Variants in GPC3 observed in about 807,000 individuals in gnomAD.
The protein encoded by GPC3 is glypican 3.
In GPC3, 3 loss-of-function variants were observed where a neutral mutation model predicts 34.4. The observed-to-expected ratio is 0.09, with a 90% CI of 0.04 to 0.23. The LOEUF (loss-of-function observed/expected upper bound fraction) is 0.23, where lower values mean the gene tolerates loss of function less well. GPC3 is among the 10% of genes least tolerant of loss of function. The pLI is 1.00. For missense variants in GPC3, 351 were observed against 445.6 expected (o/e 0.79, Z 1.91); for synonymous variants, 177 against 174.0 (o/e 1.02, Z -0.13).
intron 2 of GPC3, among the ~76,000 whole-genome samples, chrX:133,851,104 AAAACAAAC>A: frequency 9.0e-6 from 1 of 111,492 alleles, no homozygotes; most frequent in Non-Finnish European, 1.9e-5. Flanking sequence ...CTCCGTCTCC[AAAACAAAC>A]AAACAAATAA....
chrX:133,693,064 C>T (rs894249068), intron 4 of GPC3, among the ~76,000 whole-genome samples: 1 of 110,872 alleles, frequency 9.0e-6, no homozygotes, highest in African/African-American at 3.3e-5. Context: ...TATATTGTGG[C>T]TCCTGTGAGG....
rs72615417 is a variant in GPC3 at position 133,683,055 on chromosome X, C to T, written c.1292+9314G>A. ...TAATCACCTAGTGTATGTTTCCTAA[C>T]GTTTCAGGGTCTTCTCACTGAAGAC... On this transcript the variant is annotated intron_variant, in intron 5 of 7. Transcript: ENST00000370818. Among the ~76,000 whole-genome samples the T allele has an allele frequency of 1.4e-3, 156 of 110,340 alleles. 3 individuals are homozygous for T. In the East Asian group the frequency reaches 0.041, roughly 29 times the overall value.
intron 2 of GPC3, among the ~76,000 whole-genome samples, chrX:133,887,704 T>C (rs1263926434): frequency 2.7e-5 from 3 of 112,052 alleles, no homozygotes; most frequent in Non-Finnish European, 5.6e-5. Flanking sequence ...CCAGCAAATA[T>C]ATAGGTTAAC....
chrX:133,645,166 A>T (rs2070528477), intron 6 of GPC3, among the ~76,000 whole-genome samples: 1 of 111,626 alleles, frequency 9.0e-6, no homozygotes, highest in South Asian at 3.8e-4. Flanking sequence ...TGTCCCCCAC[A>T]CAGACAGGGC....
intron 5 of GPC3, among the ~76,000 whole-genome samples, chrX:133,690,025 A>T (rs2071047353): frequency 8.9e-6 from 1 of 111,943 alleles, no homozygotes; most frequent in Admixed American, 9.5e-5. Context: ...AATGTTCATG[A>T]TTCTTCTTAG....
At chrX:133,658,222 G>A (rs1387426549) in intron 6 of GPC3, among the ~76,000 whole-genome samples, 3 of 112,114 alleles carry the variant, frequency 2.7e-5, no homozygotes, top group African/African-American at 9.7e-5. Flanking sequence ...TTGGCAGTAT[G>A]TCTATACAGC....
chrX:133,741,693 C>T (rs1053619845), intron 3 of GPC3, among the ~76,000 whole-genome samples: 1 of 112,719 alleles, frequency 8.9e-6, no homozygotes, highest in Non-Finnish European at 1.9e-5. Context: ...TGATAATCCC[C>T]GTCTCATTAG....
chrX:133,958,378 A>G (rs2076425541), intron 1 of GPC3, among the ~76,000 whole-genome samples: 1 of 108,741 alleles, frequency 9.2e-6, no homozygotes, highest in Admixed American at 9.8e-5. Context: ...CCGTCTCTAT[A>G]AAAAAATTTT....
At position 133,596,576 on chromosome X, in the gene GPC3, G is replaced by C. The variant is rs1337307928; in HGVS notation, c.1437C>G (p.Pro479=). 5 of 1,210,365 alleles carry C rather than the reference G, an allele frequency of 4.1e-6. No homozygotes were observed. The highest frequency in any genetic ancestry group is 5.6e-6 in the Non-Finnish European group (5 of 894,680). ...INQLLRTMSM[P]KGRVLDKNLD... is the part of the protein sequence containing the mutation. Reference sequence around the variant, plus strand: ...GGTTTTTATCCAGAACTCTACCTTTGGGCATAGACATGGTTCTCAGGAGCT... The same window carrying C: ...GGTTTTTATCCAGAACTCTACCTTTCGGCATAGACATGGTTCTCAGGAGCT... The change falls in exon 7 of 8, where the codon CCC becomes CCG. Residue 479 remains proline (P), a synonymous_variant. Transcript: ENST00000370818.
At chrX:133,555,437 G>C (rs1185926820) in intron 7 of GPC3, among the ~76,000 whole-genome samples, 1 of 112,305 alleles carries the variant, frequency 8.9e-6, no homozygotes, top group Non-Finnish European at 1.9e-5. Context: ...TATCGCTGAG[G>C]ATTCTCAAAT....
At position 133,931,755 on chromosome X, in the gene GPC3, C is replaced by T. The variant is rs1400327249; in HGVS notation, c.337+21295G>A. ...CTAAGGACTAAGCCCTAAATGACAGCTAGCCCACAAGGCTCAGCATCAGGA... is the reference window on the plus strand; with the variant it reads ...CTAAGGACTAAGCCCTAAATGACAGTTAGCCCACAAGGCTCAGCATCAGGA... On this transcript the variant is annotated intron_variant, in intron 2 of 7. Transcript: ENST00000370818. 6.2e-5 allele frequency among the ~76,000 whole-genome samples: 7 copies of T among 112,170 alleles called. No individual in the cohort carries two copies. In the East Asian group the frequency reaches 2.0e-3, roughly 31 times the overall value.
chrX:133,713,141 G>A (rs1258932719), intron 3 of GPC3, among the ~76,000 whole-genome samples: 3 of 111,939 alleles, frequency 2.7e-5, no homozygotes, highest in Non-Finnish European at 5.6e-5. Context: ...CCAGTATTAA[G>A]CACTAACTAA....
chrX:133,977,772 A>G (rs2076522689), intron 1 of GPC3, among the ~76,000 whole-genome samples: 1 of 111,489 alleles, frequency 9.0e-6, no homozygotes. Context: ...TGAATATTTG[A>G]AAGAACTTCC....
chrX:133,729,692 T>C (rs766288911), intron 3 of GPC3, among the ~76,000 whole-genome samples: 29 of 112,384 alleles, frequency 2.6e-4, no homozygotes, highest in Non-Finnish European at 4.5e-4. Flanking sequence ...GCTAAGCATT[T>C]GCTACTGGGG....
intron 2 of GPC3, among the ~76,000 whole-genome samples, chrX:133,875,340 G>A (rs2076011519): frequency 9.0e-6 from 1 of 111,646 alleles, no homozygotes; most frequent in Admixed American, 9.5e-5. Context: ...TTTCTTGGGT[G>A]TTGCTTTAAA....
rs186754445 is a variant in GPC3, at chrX:133,821,006, T to G, written c.338-66830A>C. ...AGCACATAGCAAGAGCTCCATGCAT[T>G]TCTTAAAGTTCCACAAAAGGGGTTG... On this transcript the variant is annotated intron_variant, in intron 2 of 7. Coordinates refer to ENST00000370818, the MANE Select transcript of GPC3 (RefSeq NM_004484.4). 4.0e-4 allele frequency among the ~76,000 whole-genome samples: 45 copies of G among 111,939 alleles called. 1 individual carries two copies. The Admixed American group carries it at 4.1e-3, about 10-fold the overall frequency.
intron 2 of GPC3, among the ~76,000 whole-genome samples, chrX:133,826,463 A>G (rs1569440987): frequency 9.0e-6 from 1 of 111,531 alleles, no homozygotes; most frequent in Non-Finnish European, 1.9e-5. Flanking sequence ...AGAATCAGCG[A>G]ATTTGAAGAT....
chrX:133,804,142 G>A (rs928870676), intron 2 of GPC3, among the ~76,000 whole-genome samples: 4 of 110,905 alleles, frequency 3.6e-5, no homozygotes, highest in African/African-American at 1.3e-4. Flanking sequence ...TCTCAAACTT[G>A]CTTTGTTTTG....
At chrX:133,940,024 G>A (rs2076338580) in intron 2 of GPC3, among the ~76,000 whole-genome samples, 1 of 111,132 alleles carries the variant, frequency 9.0e-6, no homozygotes, top group African/African-American at 3.3e-5. Flanking sequence ...TGTCAGGGTA[G>A]CAGCCCCTTT....
Sources: allele counts gnomAD v4.1 joint callset (sites outside exome capture counted in the v4.1 genomes callset), GRCh38; gene constraint gnomAD v4.1.1; transcripts MANE v1.5; gene names NCBI Gene and HGNC (gene_info 2026-07-23, HGNC 2026-07-21).